The following TMEM230 variants were observed in gnomAD, a reference collection of about 807,000 sequenced individuals.
The protein encoded by TMEM230 is transmembrane protein 230.
In TMEM230, 10 loss-of-function variants were observed where a neutral mutation model predicts 15.8. The observed-to-expected ratio is 0.63, with a 90% CI of 0.39 to 1.07. The LOEUF is 1.07. TMEM230 is among the 50% of genes least tolerant of loss of function. The pLI is 0.01. For missense variants in TMEM230, 165 were observed against 193.3 expected (o/e 0.85, Z 0.87); for synonymous variants, 67 against 76.9 (o/e 0.87, Z 0.68).
At chr20:5,095,770 A>G (rs1275543832), downstream of TMEM230, among the ~76,000 whole-genome samples, 1 of 152,184 alleles carries the variant, frequency 6.6e-6, no homozygotes, top group Admixed American at 6.5e-5. Context: ...CCGATTTAGG[A>G]GAGGAGCCCA....
At chr20:5,077,937 G>C (rs567536705) in intron 3 of TMEM230, among the ~76,000 whole-genome samples, 2 of 152,292 alleles carry the variant, frequency 1.3e-5, no homozygotes, top group East Asian at 3.9e-4. Context: ...TGAGTATTAA[G>C]GAGAAAAATG....
At chr20:5,080,138 G>A (rs2089137436) in intron 3 of TMEM230, among the ~76,000 whole-genome samples, 1 of 152,160 alleles carries the variant, frequency 6.6e-6, no homozygotes, top group Non-Finnish European at 1.5e-5. Context: ...TAGAGTAGAA[G>A]TTCTCTCAAT....
At chr20:5,103,796 G>T (rs969249327) in intron 4 of TMEM230, among the ~76,000 whole-genome samples, 1 of 152,112 alleles carries the variant, frequency 6.6e-6, no homozygotes, top group African/African-American at 2.4e-5. Context: ...AATGAGAATG[G>T]ATTAAACACT....
At chr20:5,102,582 T>C (rs2089913812) in intron 4 of TMEM230, among the ~76,000 whole-genome samples, 1 of 150,520 alleles carries the variant, frequency 6.6e-6, no homozygotes. Context: ...TCCCAGTTGC[T>C]AGTGAGGCTG....
At chr20:5,067,891 C>G (rs1344665869), downstream of TMEM230, 2 of 152,136 alleles carry the variant, frequency 1.3e-5, no homozygotes, top group Non-Finnish European at 1.5e-5. Flanking sequence ...TCCAGAGTAG[C>G]TGGGAGTACA....
At chr20:5,092,781 A>C (rs1408237166) in intron 3 of TMEM230, among the ~76,000 whole-genome samples, 15 of 152,130 alleles carry the variant, frequency 9.9e-5, no homozygotes, top group Non-Finnish European at 2.2e-4. Flanking sequence ...ATCTCAATAG[A>C]TGCAGAAAAG....
chr20:5,080,660 G>A (rs1281215018), intron 3 of TMEM230, among the ~76,000 whole-genome samples: 3 of 151,572 alleles, frequency 2.0e-5, no homozygotes, highest in South Asian at 2.1e-4. Context: ...TCTGCCTCCC[G>A]GATTCAAGTG....
intron 4 of TMEM230, 85 bp from the exon 4 acceptor site, chr20:5,101,016 A>G (rs1024024994): frequency 4.2e-5 from 64 of 1,508,402 alleles, no homozygotes; most frequent in Non-Finnish European, 5.6e-5. Context: ...TCCTTAGATC[A>G]GTATTTTATA....
chr20:5,106,562 C>G (rs998817790), intron 3 of TMEM230, among the ~76,000 whole-genome samples: 1 of 152,132 alleles, frequency 6.6e-6, no homozygotes, highest in African/African-American at 2.4e-5. Context: ...CGCCACTACA[C>G]CCAGCTAATT....
chr20:5,070,309 T>C (rs776111754), intron 3 of TMEM230, among the ~76,000 whole-genome samples: 1 of 152,170 alleles, frequency 6.6e-6, no homozygotes, highest in Non-Finnish European at 1.5e-5. Flanking sequence ...CAGTTGAGTC[T>C]TGCGCTAACT....
At chr20:5,112,865 G>A (rs995740710) in intron 1 of TMEM230, 96 bp downstream of exon 1, 3 of 1,547,178 alleles carry the variant, frequency 1.9e-6, no homozygotes, top group East Asian at 4.9e-5. Flanking sequence ...CCACACGGAT[G>A]ACTCGGAGCT....
chr20:5,100,966 T>C (rs375224429), intron 4 of TMEM230, 35 bp from the exon 4 acceptor site: 21 of 1,610,812 alleles, frequency 1.3e-5, no homozygotes, highest in Non-Finnish European at 1.7e-5. Flanking sequence ...ATTAGTACCG[T>C]AAGAGTTACA....
Position 5,112,820 on chromosome 20 carries a change from G to A in TMEM230, c.68+141C>T, listed in dbSNP as rs1341965249. 4 of 1,519,458 alleles carry A rather than the reference G, an allele frequency of 2.6e-6. 1 individual carries two copies. The highest frequency in any genetic ancestry group is 1.7e-4 in the Middle Eastern group (1 of 5,914). The allele number at this position is 1,519,458 out of a possible 1,614,324, so 94.1% of individuals were successfully genotyped here. A position where few individuals can be genotyped will look rare whatever the true frequency, so the allele number is the denominator to read the frequency against. ...GTAAAACAAACAAAACGGGCTTCTG[G>A]AAAGAGGCCAACTGTGCCAGGGGGG... On this transcript the variant is annotated intron_variant, in intron 1 of 4. Transcript: ENST00000342308.
chr20:5,084,234 T>C (rs1463125694), intron 3 of TMEM230, among the ~76,000 whole-genome samples: 2 of 151,790 alleles, frequency 1.3e-5, no homozygotes, highest in Non-Finnish European at 2.9e-5. Flanking sequence ...TAATTTTTTT[T>C]TTTTTTTGAG....
chr20:5,096,025 G>A (rs2089655249), downstream of TMEM230, among the ~76,000 whole-genome samples: 3 of 152,228 alleles, frequency 2.0e-5, no homozygotes, highest in African/African-American at 7.2e-5. Context: ...CCACATGCTG[G>A]TAAAGGGCCA....
chr20:5,091,707 T>C (rs577376670), intron 3 of TMEM230, among the ~76,000 whole-genome samples: 5 of 133,962 alleles, frequency 3.7e-5, no homozygotes, highest in Non-Finnish European at 8.0e-5. Context: ...AGGATGGGCA[T>C]GGTGGACGAT....
In TMEM230 at chr20:5,113,070, G is replaced by GA; in HGVS notation, c.-43dup. 1 of 1,538,614 alleles carries GA rather than the reference G, an allele frequency of 6.5e-7. No homozygotes were observed. Among genetic ancestry groups the GA allele is most frequent in the Non-Finnish European group, 8.7e-7 (1 of 1,145,302 alleles). On this transcript the variant is annotated 5_prime_UTR_variant, in exon 1 of 5. Coordinates refer to ENST00000342308, the MANE Select transcript of TMEM230 (RefSeq NM_001009923.2). ...GTGCCACTCAGCCGGCCCCAGGCGG[G>GA]ATCAGTGCGCCGGAAGTGGCGTGCC...
At chr20:5,066,784 A>G (rs891122416), downstream of TMEM230, among the ~76,000 whole-genome samples, 1 of 151,884 alleles carries the variant, frequency 6.6e-6, no homozygotes, top group East Asian at 1.9e-4. Context: ...GTCAGACAGA[A>G]CTTCGCTGAC....
chr20:5,064,994 A>T (rs1411274413), downstream of TMEM230, among the ~76,000 whole-genome samples: 1 of 152,116 alleles, frequency 6.6e-6, no homozygotes, highest in African/African-American at 2.4e-5. Flanking sequence ...CAACAAAGTG[A>T]GATCTCATCT....
Sources: allele counts gnomAD v4.1 joint callset (sites outside exome capture counted in the v4.1 genomes callset), GRCh38; gene constraint gnomAD v4.1.1; transcripts MANE v1.5; gene names NCBI Gene and HGNC (gene_info 2026-07-23, HGNC 2026-07-21).